Variants in ZGRF1 observed in about 807,000 individuals in gnomAD.
The protein encoded by ZGRF1 is 5'-3' DNA helicase ZGRF1.
A neutral mutation model predicts 203.5 loss-of-function variants in ZGRF1; 196 were observed. The observed-to-expected ratio is 0.96, with a 90% confidence interval of 0.86 to 1.08. The LOEUF (loss-of-function observed/expected upper bound fraction) is 1.08. Ranked by LOEUF, ZGRF1 falls within the 50% of genes least tolerant of loss-of-function variation. The probability of loss-of-function intolerance (pLI) is 0.00; values close to 1 mark genes in which losing one functional copy is unlikely to be tolerated. For missense variants in ZGRF1, 2,326 were observed against 2,416.3 expected (o/e 0.96, Z 0.78); for synonymous variants, 809 against 841.3 (o/e 0.96, Z 0.66).
chr4:112,564,295 T>C (rs1021930323), intron 16 of ZGRF1, among the ~76,000 whole-genome samples: 1 of 152,220 alleles, frequency 6.6e-6, no homozygotes, highest in Admixed American at 6.5e-5. Flanking sequence ...AGTATGTGAA[T>C]CTTGTGATAT....
intron 8 of ZGRF1, chr4:112,608,031 GATT>G (rs956532426): frequency 2.0e-5 from 3 of 152,084 alleles, no homozygotes; most frequent in Non-Finnish European, 2.9e-5. Context: ...TATTGCAATA[GATT>G]ATTAAGACCT....
chr4:112,588,968 C>T (rs545461792), intron 11 of ZGRF1, among the ~76,000 whole-genome samples: 7 of 152,252 alleles, frequency 4.6e-5, no homozygotes, highest in South Asian at 2.1e-4. Flanking sequence ...ATACCCACTC[C>T]GGTGTATTTG....
chr4:112,614,651 C>T (rs1209844885), intron 6 of ZGRF1, among the ~76,000 whole-genome samples: 2 of 152,072 alleles, frequency 1.3e-5, no homozygotes, highest in African/African-American at 4.8e-5. Flanking sequence ...ATAGCGAAAC[C>T]CCGTCTCTAA....
rs534439750 is a variant in ZGRF1 at position 112,635,968 on chromosome 4, TA to T, written c.-67+882del. ...TTAAATTCGATTATAGGAGAAAACC[TA>T]AAAAAAAAAAGCTAACTGGATCTTT... is the stretch of plus-strand genomic sequence containing the variant. On this transcript the variant is annotated intron_variant, in intron 1 of 27. Transcript: ENST00000505019. 8.3e-3 allele frequency among the ~76,000 whole-genome samples: 1,192 copies of T among 143,738 alleles called. 21 individuals carry two copies. Among genetic ancestry groups the T allele is most frequent in the African/African-American group, 0.026 (1,022 of 39,494 alleles). The allele number at this position is 143,738 out of a possible 152,430, so 94.3% of individuals were successfully genotyped here. A position where few individuals can be genotyped will look rare whatever the true frequency, so the allele number is the denominator to read the frequency against.
In ZGRF1 at chr4:112,581,125, G is replaced by C. The variant is rs551218205; in HGVS notation, c.4438+538C>G. ...AAAAAAGGATGAGTTCATGTCCTCT[G>C]TAGGGACATGGATGAAGCTGGAAAC... is the stretch of plus-strand genomic sequence containing the variant. On this transcript the variant is annotated intron_variant, in intron 16 of 27. Transcript: ENST00000505019. Among the ~76,000 whole-genome samples, 59 of 152,150 alleles carry C rather than the reference G, an allele frequency of 3.9e-4. No homozygotes were observed. In the East Asian group the frequency reaches 0.01, roughly 27 times the overall value.
chr4:112,550,699 A>G (rs1739785192), intron 22 of ZGRF1, among the ~76,000 whole-genome samples: 1 of 152,124 alleles, frequency 6.6e-6, no homozygotes, highest in Admixed American at 6.6e-5. Context: ...ATAAAAATAC[A>G]AAACTTAGCC....
At chr4:112,567,252 G>C (rs939661741) in intron 16 of ZGRF1, among the ~76,000 whole-genome samples, 52 of 152,062 alleles carry the variant, frequency 3.4e-4, no homozygotes, top group African/African-American at 1.1e-3. Flanking sequence ...GATTGGGATG[G>C]GCCTTCCCCA....
At position 112,625,128 on chromosome 4, in the gene ZGRF1, A is replaced by AT. The variant is rs1406990267; in HGVS notation, c.103-1253dup. Among the ~76,000 whole-genome samples, 11 of 152,152 alleles carry AT rather than the reference A, an allele frequency of 7.2e-5. No homozygotes were observed. In the East Asian group the frequency reaches 2.1e-3, roughly 29 times the overall value. On this transcript the variant is annotated intron_variant, in intron 3 of 27. Transcript: ENST00000505019. ...CGAAGCAAGACTCTATCTCTAAAAA[A>AT]TTTTTTTTATTAGCCAGACATGGTG... is the stretch of plus-strand genomic sequence containing the variant.
At chr4:112,592,066 T>C (rs1363631216) in intron 10 of ZGRF1, among the ~76,000 whole-genome samples, 2 of 151,904 alleles carry the variant, frequency 1.3e-5, no homozygotes, top group Admixed American at 6.6e-5. Context: ...GCTACATACA[T>C]GGTCTCCATT....
At chr4:112,634,755 G>C (rs1027379739) in intron 1 of ZGRF1, among the ~76,000 whole-genome samples, 17 of 152,294 alleles carry the variant, frequency 1.1e-4, no homozygotes, top group African/African-American at 4.1e-4. Context: ...TAGGTAAGGG[G>C]TATGCAAATG....
intron 3 of ZGRF1, among the ~76,000 whole-genome samples, chr4:112,626,716 T>C (rs2047250895): frequency 6.6e-6 from 1 of 152,204 alleles, no homozygotes; most frequent in South Asian, 2.1e-4. Context: ...TCTATACTAG[T>C]AGTCAGGAAC....
chr4:112,590,695 G>A (rs1243088806), intron 10 of ZGRF1, among the ~76,000 whole-genome samples: 2 of 152,004 alleles, frequency 1.3e-5, no homozygotes, highest in Non-Finnish European at 2.9e-5. Flanking sequence ...GGAGGCTGAG[G>A]CGGGTGGATC....
intron 16 of ZGRF1, among the ~76,000 whole-genome samples, chr4:112,574,502 C>T (rs1207707687): frequency 6.6e-6 from 1 of 151,952 alleles, no homozygotes; most frequent in Non-Finnish European, 1.5e-5. Context: ...TGATAATTAC[C>T]TTGGGTTTGG....
At chr4:112,619,730 AT>A in intron 5 of ZGRF1, 40 bp from the exon 6 acceptor site, 2 of 1,433,100 alleles carry the variant, frequency 1.4e-6, no homozygotes, top group East Asian at 4.6e-5. Context: ...ACCATTACCC[AT>A]TAAGAAAATG....
chr4:112,581,792 C>T lies in ZGRF1; in HGVS notation c.4309G>A (p.Asp1437Asn). The T allele has an allele frequency of 7.1e-7, 1 of 1,399,126 alleles. No individual in the cohort carries two copies. Among genetic ancestry groups the T allele is most frequent in the Non-Finnish European group, 9.5e-7 (1 of 1,050,388 alleles). The allele number at this position is 1,399,126 out of a possible 1,614,324, so 86.7% of individuals were successfully genotyped here. Residue 1437 changes from aspartate to asparagine, a missense_variant, in exon 16 of 28, where the codon GAT (aspartate) becomes AAT (asparagine). By Grantham distance (23) the Asp-to-Asn change is conservative. Transcript: ENST00000505019. ...ECQLLVRKGFDFQRKQYGKLK... is the reference protein window; with the variant it reads ...ECQLLVRKGFNFQRKQYGKLK... ...TTGCCATACTGTTTTCTCTGAAAAT[C>T]AAATCCTTTTCTGAAAAGGGAATAA...
chr4:112,564,089 C>T (rs1336538489), intron 16 of ZGRF1, among the ~76,000 whole-genome samples: 1 of 152,178 alleles, frequency 6.6e-6, no homozygotes, highest in Non-Finnish European at 1.5e-5. Flanking sequence ...TAATATTGGA[C>T]TCAGTTCAGG....
intron 9 of ZGRF1, among the ~76,000 whole-genome samples, chr4:112,604,746 T>C (rs1339450110): frequency 5.3e-5 from 8 of 152,188 alleles, no homozygotes. Flanking sequence ...ACAGGCTCTT[T>C]CACTCAGTCT....
chr4:112,596,072 A>G (rs766333858), intron 10 of ZGRF1, among the ~76,000 whole-genome samples: 1 of 152,252 alleles, frequency 6.6e-6, no homozygotes, highest in Non-Finnish European at 1.5e-5. Context: ...ACTGATGTAG[A>G]TAACAATAAC....
At chr4:112,597,193 G>A (rs1161749017) in intron 10 of ZGRF1, among the ~76,000 whole-genome samples, 8 of 141,034 alleles carry the variant, frequency 5.7e-5, no homozygotes, top group Non-Finnish European at 1.2e-4. Context: ...CAGCCTGGGT[G>A]ACAGAGCCAA....
Sources: allele counts gnomAD v4.1 joint callset (sites outside exome capture counted in the v4.1 genomes callset), GRCh38; gene constraint gnomAD v4.1.1; transcripts MANE v1.5; gene names NCBI Gene and HGNC (gene_info 2026-07-23, HGNC 2026-07-21).